The following RCAN1 variants were observed in gnomAD, a reference collection of about 807,000 sequenced individuals.
RCAN1 encodes the protein calcipressin-1.
Under a neutral mutation model 22.9 loss-of-function variants are expected in RCAN1, and 11 were observed. The ratio of observed to expected loss-of-function variants is 0.48; its 90% confidence interval spans 0.30 to 0.79. RCAN1 has a LOEUF of 0.79. Ranked by LOEUF, RCAN1 falls within the 30% of genes least tolerant of loss-of-function variation. The probability of loss-of-function intolerance (pLI) is 0.06; values close to 1 mark genes in which losing one functional copy is unlikely to be tolerated. For missense variants in RCAN1, 291 were observed against 337.8 expected (o/e 0.86, Z 1.09); for synonymous variants, 136 against 142.3 (o/e 0.96, Z 0.32).
chr21:34,520,989 G>T (rs1239364747), intron 3 of RCAN1: 3 of 858,518 alleles, frequency 3.5e-6, no homozygotes, highest in African/African-American at 3.6e-5. Flanking sequence ...AGGCCCTGGG[G>T]TAGGGCAGCC....
At chr21:34,533,044 T>C (rs907934651) in intron 1 of RCAN1, among the ~76,000 whole-genome samples, 2 of 151,060 alleles carry the variant, frequency 1.3e-5, no homozygotes, top group African/African-American at 2.4e-5. Context: ...CACTGCAAGC[T>C]CCGCCTCCCG....
At chr21:34,583,559 G>T (rs948410985) in intron 1 of RCAN1, among the ~76,000 whole-genome samples, 23 of 152,190 alleles carry the variant, frequency 1.5e-4, no homozygotes, top group African/African-American at 3.4e-4. Flanking sequence ...CTAGGCATGT[G>T]CGTGCACAGA....
intron 1 of RCAN1, among the ~76,000 whole-genome samples, chr21:34,533,815 G>C (rs1399034064): frequency 2.0e-5 from 3 of 152,238 alleles, no homozygotes; most frequent in Non-Finnish European, 4.4e-5. Context: ...AGTGCATGAG[G>C]ACCTGAAGCA....
intron 1 of RCAN1, among the ~76,000 whole-genome samples, chr21:34,582,096 C>T: frequency 6.6e-6 from 1 of 152,156 alleles, no homozygotes. Flanking sequence ...GGTCTATGCT[C>T]ATTACCAAAG....
chr21:34,569,752 T>C (rs890158586), intron 1 of RCAN1, among the ~76,000 whole-genome samples: 3 of 152,256 alleles, frequency 2.0e-5, no homozygotes, highest in African/African-American at 4.8e-5. Flanking sequence ...TATATCATCT[T>C]AAATTTCTTA....
At chr21:34,590,163 A>T (rs1287108007) in intron 1 of RCAN1, among the ~76,000 whole-genome samples, 3 of 152,160 alleles carry the variant, frequency 2.0e-5, no homozygotes, top group Non-Finnish European at 2.9e-5. Context: ...CCCCCTTCTG[A>T]GCTGAGTTTA....
chr21:34,586,966 A>C (rs1356647677), intron 1 of RCAN1, among the ~76,000 whole-genome samples: 5 of 152,152 alleles, frequency 3.3e-5, no homozygotes, highest in Non-Finnish European at 5.9e-5. Context: ...AAAAATAAAA[A>C]AAAAAGTAGA....
At chr21:34,556,065 AAAAT>A (rs71324312) in intron 1 of RCAN1, among the ~76,000 whole-genome samples, 25,908 of 107,980 alleles carry the variant, frequency 0.24, 3,447 homozygotes, top group African/African-American at 0.39. Flanking sequence ...TCCATTTCAA[AAAAT>A]AAATAAATAA....
chr21:34,565,475 G>A (rs1986967019), intron 1 of RCAN1, among the ~76,000 whole-genome samples: 1 of 152,154 alleles, frequency 6.6e-6, no homozygotes, highest in East Asian at 1.9e-4. Flanking sequence ...CCCTCAAATG[G>A]GGGCTACTGC....
At chr21:34,569,460 G>C (rs1987158047) in intron 1 of RCAN1, among the ~76,000 whole-genome samples, 1 of 152,118 alleles carries the variant, frequency 6.6e-6, no homozygotes, top group South Asian at 2.1e-4. Context: ...TTCTTCCATG[G>C]TGATGTTTTA....
chr21:34,570,920 T>C (rs1987212913), intron 1 of RCAN1, among the ~76,000 whole-genome samples: 1 of 152,174 alleles, frequency 6.6e-6, no homozygotes, highest in Non-Finnish European at 1.5e-5. Context: ...TTGCAAACTT[T>C]AACAAAAATT....
At position 34,521,654 on chromosome 21, in the gene RCAN1, A is replaced by G; in HGVS notation, c.431T>C (p.Leu144Ser). The change falls in exon 3 of 4, where the codon TTA becomes TCA. Residue 144 changes from leucine (L) to serine (S), a missense_variant. Transcript: ENST00000313806. ...KEMKLYFAQT[L>S]HIGSSHLAPP... Reference sequence around the variant, plus strand: ...AGCCAGGTGTGAGCTTCCTATGTGTAAGGTCTGAGGAGAGAAAATAAGCAC... The same window carrying G: ...AGCCAGGTGTGAGCTTCCTATGTGTGAGGTCTGAGGAGAGAAAATAAGCAC... 6.2e-7 allele frequency: 1 copy of G among 1,610,154 alleles called. No homozygotes were observed. The highest frequency in any genetic ancestry group is 8.5e-7 in the Non-Finnish European group (1 of 1,177,958).
intron 1 of RCAN1, among the ~76,000 whole-genome samples, chr21:34,570,163 T>TTA (rs1295175759): frequency 6.6e-6 from 1 of 152,216 alleles, no homozygotes; most frequent in African/African-American, 2.4e-5. Flanking sequence ...AGATTTTTTT[T>TTA]AAAAACCATC....
intron 1 of RCAN1, among the ~76,000 whole-genome samples, chr21:34,524,794 C>T (rs1386851588): frequency 6.6e-6 from 1 of 152,058 alleles, no homozygotes; most frequent in Non-Finnish European, 1.5e-5. Flanking sequence ...GGATTACAAG[C>T]TTAGGTTGCT....
intron 1 of RCAN1, among the ~76,000 whole-genome samples, chr21:34,579,280 C>T (rs950702376): frequency 3.9e-5 from 6 of 152,002 alleles, no homozygotes. Flanking sequence ...CCTGTAGTCC[C>T]AGCTACTTGG....
intron 1 of RCAN1, chr21:34,524,978 C>T: frequency 1.3e-6 from 2 of 1,492,048 alleles, no homozygotes. Context: ...GGCAAAAACA[C>T]TTAGGACAGT....
chr21:34,572,584 T>C (rs1322797298), intron 1 of RCAN1, among the ~76,000 whole-genome samples: 2 of 152,172 alleles, frequency 1.3e-5, no homozygotes, highest in Non-Finnish European at 2.9e-5. Flanking sequence ...ATGAAACTGT[T>C]TCAAAACCAC....
chr21:34,546,091 G>C (rs1443354949), intron 1 of RCAN1, among the ~76,000 whole-genome samples: 1 of 152,230 alleles, frequency 6.6e-6, no homozygotes, highest in African/African-American at 2.4e-5. Context: ...AGATTTCTCA[G>C]AGATACAACA....
intron 1 of RCAN1, among the ~76,000 whole-genome samples, chr21:34,565,831 C>T (rs576352892): frequency 6.6e-6 from 1 of 152,332 alleles, no homozygotes; most frequent in South Asian, 2.1e-4. Flanking sequence ...ATATAATACA[C>T]TTCACAGTAT....
Sources: allele counts gnomAD v4.1 joint callset (sites outside exome capture counted in the v4.1 genomes callset), GRCh38; gene constraint gnomAD v4.1.1; transcripts MANE v1.5; gene names NCBI Gene and HGNC (gene_info 2026-07-23, HGNC 2026-07-21).